Variants in TRRAP observed in about 807,000 individuals in gnomAD.
TRRAP encodes the protein transformation/transcription domain-associated protein.
A neutral mutation model predicts 438.8 loss-of-function variants in TRRAP; 41 were observed. That is an observed-to-expected ratio of 0.09 (90% CI 0.07 to 0.12). The LOEUF (loss-of-function observed/expected upper bound fraction) is 0.12, where lower values mean the gene tolerates loss of function less well. Among genes scored for constraint, TRRAP ranks in the 10% least tolerant of loss-of-function variants. The probability of loss-of-function intolerance (pLI) is 1.00; values close to 1 mark genes in which losing one functional copy is unlikely to be tolerated. For synonymous variants in TRRAP, 1,994 were observed against 1,962.9 expected, an observed-to-expected ratio of 1.02 and a Z score of -0.42; for missense variants, 3,122 against 5,055.1, an observed-to-expected ratio of 0.62 and a Z score of 11.60.
intron 22 of TRRAP, 100 bp downstream of exon 22, chr7:98,925,363 C>T: frequency 6.7e-7 from 1 of 1,500,516 alleles, no homozygotes; most frequent in South Asian, 1.3e-5. Context: ...GAGCAGGCTC[C>T]TTGAAGTCCA....
At chr7:98,986,412 G>A (rs1454235185) in intron 62 of TRRAP, among the ~76,000 whole-genome samples, 1 of 152,134 alleles carries the variant, frequency 6.6e-6, no homozygotes, top group Non-Finnish European at 1.5e-5. Flanking sequence ...AATGTTTAAG[G>A]TTTTAATTTC....
In TRRAP at chr7:98,976,248, C is replaced by G; in HGVS notation, c.7939C>G (p.Leu2647Val). 1 of 1,614,224 alleles carries G rather than the reference C, an allele frequency of 6.2e-7. No individual in the cohort carries two copies. The highest frequency in any genetic ancestry group is 8.5e-7 in the Non-Finnish European group (1 of 1,180,040). Reference sequence around the variant, plus strand: ...GCTTTTCCCCAGATTGTGGAAGATCCTCTCTGACAGACAGCAGCATGTGAG... The same window carrying G: ...GCTTTTCCCCAGATTGTGGAAGATCGTCTCTGACAGACAGCAGCATGTGAG... Reference protein sequence around the residue: ...VQLFPRLWKILSDRQQHALAG... With the variant: ...VQLFPRLWKIVSDRQQHALAG... The change falls in exon 54 of 73, where the codon CTC becomes GTC. Residue 2647 changes from leucine (L) to valine (V), a missense_variant. Transcript: ENST00000456197. The surrounding 1 kb of genome is among the most constrained non-coding windows in gnomAD (Gnocchi z 4.6).
At chr7:98,981,624 A>G (rs1792923509) in intron 58 of TRRAP, 145 bp from the exon 59 acceptor site, 1 of 814,782 alleles carries the variant, frequency 1.2e-6, no homozygotes, top group South Asian at 2.0e-5. Context: ...TGACTTCTCT[A>G]AAGAAAATAC....
At chr7:98,935,298 A>G (rs1429503131) in intron 27 of TRRAP, among the ~76,000 whole-genome samples, 1 of 151,388 alleles carries the variant, frequency 6.6e-6, no homozygotes, top group African/African-American at 2.5e-5. Context: ...TTGAGGAGAA[A>G]AAAAAACGTG....
chr7:98,911,893 G>A (rs1584300921), intron 17 of TRRAP, 129 bp from the exon 18 acceptor site: 1 of 790,670 alleles, frequency 1.3e-6, no homozygotes, highest in East Asian at 2.5e-5. Flanking sequence ...TTTTCCTTTG[G>A]TGGATAATTA....
At chr7:98,880,259 G>GTTT (rs1554402821) in intron 1 of TRRAP, among the ~76,000 whole-genome samples, 2 of 33,542 alleles carry the variant, frequency 6.0e-5, no homozygotes, top group East Asian at 7.8e-4. Flanking sequence ...TGTTGTTGTT[G>GTTT]TTGTTTTTTT....
At chr7:98,902,599 A>G (rs1796517976) in intron 11 of TRRAP, among the ~76,000 whole-genome samples, 1 of 122,370 alleles carries the variant, frequency 8.2e-6, no homozygotes, top group African/African-American at 2.5e-5. Context: ...AAAATGGAAC[A>G]TTTGGTGTAA....
intron 69 of TRRAP, among the ~76,000 whole-genome samples, chr7:99,007,394 G>C (rs1219998649): frequency 6.6e-6 from 1 of 152,308 alleles, no homozygotes; most frequent in Middle Eastern, 3.4e-3. Context: ...TCTCATTCAG[G>C]CTGGAGTGCA....
chr7:98,937,518 A>G, intron 29 of TRRAP, 132 bp from the exon 30 acceptor site: 1 of 1,145,262 alleles, frequency 8.7e-7, no homozygotes, highest in Non-Finnish European at 1.2e-6. Context: ...AATTTCTGAA[A>G]TAGTATATGA....
rs182312670 is a variant in TRRAP, at chr7:98,914,756, A to G, written c.2200-967A>G. On this transcript the variant is annotated intron_variant, in intron 18 of 72. Transcript: ENST00000456197. ...AAAAAAAAAAAAAAAAAGACAGAAAAAGAATGTTGGAATGTTTAAGAAAAG... is the reference window on the plus strand; with the variant it reads ...AAAAAAAAAAAAAAAAAGACAGAAAGAGAATGTTGGAATGTTTAAGAAAAG... 4.8e-3 allele frequency among the ~76,000 whole-genome samples: 730 copies of G among 150,868 alleles called. 3 individuals are homozygous for G. Among genetic ancestry groups the G allele is most frequent in the African/African-American group, 0.016 (642 of 41,234 alleles).
At chr7:98,938,292 T>C (rs879975387) in intron 30 of TRRAP, among the ~76,000 whole-genome samples, 28 of 152,172 alleles carry the variant, frequency 1.8e-4, no homozygotes, top group Admixed American at 4.6e-4. Context: ...TGAGCCGAGA[T>C]GGCATCACTG....
intron 5 of TRRAP, among the ~76,000 whole-genome samples, chr7:98,892,962 T>C (rs1554405157): frequency 6.6e-6 from 1 of 152,136 alleles, no homozygotes; most frequent in Non-Finnish European, 1.5e-5. Flanking sequence ...GTCTTTCTTT[T>C]TTTTTTTCTT....
intron 20 of TRRAP, among the ~76,000 whole-genome samples, chr7:98,920,142 A>G (rs1006182172): frequency 6.6e-6 from 1 of 152,246 alleles, no homozygotes; most frequent in Admixed American, 6.5e-5. Context: ...CTAGACATGA[A>G]TATTTGGCAT....
At chr7:98,905,755 A>G (rs575337441) in intron 12 of TRRAP, among the ~76,000 whole-genome samples, 9 of 152,336 alleles carry the variant, frequency 5.9e-5, no homozygotes, top group East Asian at 1.9e-4. Flanking sequence ...ATAGAGAAAC[A>G]TCGTTAGGTC....
At chr7:98,962,734 C>T (rs948808598) in intron 47 of TRRAP, among the ~76,000 whole-genome samples, 1 of 152,238 alleles carries the variant, frequency 6.6e-6, no homozygotes, top group Non-Finnish European at 1.5e-5. Flanking sequence ...GCAAGAGCTA[C>T]ATGACAATGT....
rs2116525404 is a variant in TRRAP at position 98,933,406 on chromosome 7, G to GT, written c.4014+4_4014+5insT. On this transcript the variant is annotated splice_donor_region_variant and intron_variant, in intron 27 of 72. Coordinates refer to ENST00000456197, the MANE Select transcript of TRRAP (RefSeq NM_001375524.1). ...GCATAAGGTGTTCTACACAGAGGTA[G>GT]GGGGGTGGTGGTGCGGAGTGGTGTG... 3 of 1,610,886 alleles carry GT rather than the reference G, an allele frequency of 1.9e-6. No homozygotes were observed. Among genetic ancestry groups the GT allele is most frequent in the Non-Finnish European group, 2.5e-6 (3 of 1,178,690 alleles).
intron 51 of TRRAP, 41 bp from the exon 52 acceptor site, chr7:98,970,071 G>A (rs376342917): frequency 2.2e-5 from 35 of 1,602,250 alleles, no homozygotes; most frequent in African/African-American, 2.0e-4. Flanking sequence ...TGAATGCCAC[G>A]CGCATGCCTT....
intron 49 of TRRAP, 145 bp downstream of exon 49, chr7:98,966,040 T>C: frequency 1.0e-6 from 1 of 1,001,698 alleles, no homozygotes; most frequent in Non-Finnish European, 1.5e-6. Context: ...TTAAGATGGA[T>C]TTTTGTCTGT....
At chr7:98,984,815 A>G (rs917737815) in intron 61 of TRRAP, 129 bp from the exon 62 acceptor site, 1 of 550,748 alleles carries the variant, frequency 1.8e-6, no homozygotes, top group African/African-American at 1.9e-5. Context: ...TGGTAGGCAA[A>G]TCTTTTGTCA....
Sources: gnomAD v4.1 joint callset for allele counts (sites outside exome capture counted in the v4.1 genomes callset) on GRCh38, gnomAD v4.1.1 for gene constraint, Gnocchi (gnomAD v3.1) non-coding constraint, MANE v1.5 for transcripts, NCBI Gene and HGNC (gene_info 2026-07-23, HGNC 2026-07-21) for gene names.